LAMA4: variants seen among roughly 807,000 people sequenced by gnomAD.
The protein encoded by LAMA4 is laminin subunit alpha-4.
LAMA4 carries 127 observed loss-of-function variants against 207.1 expected under a neutral mutation model. That is an observed-to-expected ratio of 0.61 (90% CI 0.53 to 0.71). The LOEUF is 0.71. Among genes scored for constraint, LAMA4 ranks in the 30% least tolerant of loss-of-function variants. The probability of loss-of-function intolerance (pLI) is 0.00; values close to 1 mark genes in which losing one functional copy is unlikely to be tolerated. For missense variants in LAMA4, 2,093 were observed against 2,246.5 expected, an observed-to-expected ratio of 0.93 and a Z score of 1.38; for synonymous variants, 761 against 816.0, an observed-to-expected ratio of 0.93 and a Z score of 1.15.
At position 112,142,118 on chromosome 6, in the gene LAMA4, C is replaced by G; in HGVS notation, c.2667+1G>C. On this transcript the variant is annotated splice_donor_variant, in intron 20 of 38. Coordinates refer to ENST00000230538, the MANE Select transcript of LAMA4 (RefSeq NM_001105206.3). LOFTEE classifies it high-confidence loss of function. ...CCCTCCTTTCAAACTCATGTGCTTA[C>G]GTTTTTGCTTCCGAGGTACAGGATA... The G allele has an allele frequency of 6.2e-7, 1 of 1,614,010 alleles. No individual in the cohort carries two copies. Among genetic ancestry groups the G allele is most frequent in the Non-Finnish European group, 8.5e-7 (1 of 1,179,944 alleles).
At chr6:112,139,956 T>C (rs1357799944) in intron 22 of LAMA4, 71 bp from the exon 23 acceptor site, 8 of 1,495,970 alleles carry the variant, frequency 5.3e-6, no homozygotes, top group Non-Finnish European at 6.5e-6. Context: ...GAACAGACAA[T>C]GCAACTAATA....
intron 2 of LAMA4, among the ~76,000 whole-genome samples, chr6:112,241,003 C>T (rs1451222488): frequency 6.7e-6 from 1 of 149,220 alleles, no homozygotes; most frequent in East Asian, 2.0e-4. Context: ...TCAGCTCTTT[C>T]CATATCCTTT....
At chr6:112,134,724 CTTGT>C (rs2114666923) in intron 25 of LAMA4, 115 bp from the exon 26 acceptor site, 5 of 837,180 alleles carry the variant, frequency 6.0e-6, no homozygotes, top group African/African-American at 1.7e-5. Flanking sequence ...TGCCTTTGTG[CTTGT>C]TTGTTCACAA....
At position 112,155,682 on chromosome 6, in the gene LAMA4, G is replaced by C. The variant is rs782388698; in HGVS notation, c.1842C>G (p.Asn614Lys). The C allele has an allele frequency of 1.2e-6, 2 of 1,613,964 alleles. No individual in the cohort carries two copies. Among genetic ancestry groups the C allele is most frequent in the Middle Eastern group, 1.6e-4 (1 of 6,062 alleles). Residue 614 changes from asparagine to lysine, a missense_variant, in exon 15 of 39, where the codon AAC becomes AAG. By Grantham distance (94) the Asn-to-Lys change is moderately conservative. This residue lies in a region of LAMA4 where 1,704 missense variants were observed against 1,788.4 expected (regional missense o/e 0.95). Coordinates refer to ENST00000230538, the MANE Select transcript of LAMA4 (RefSeq NM_001105206.3). ...LSRKLHSSDM[N>K]GLVQKALDAS... ...CATCCAAAGCCTTCTGTACCAGCCCGTTCATATCTGAACTGTGCAACTTCC... is the reference window on the plus strand; with the variant it reads ...CATCCAAAGCCTTCTGTACCAGCCCCTTCATATCTGAACTGTGCAACTTCC...
At chr6:112,113,397 T>G (rs1777819569) in intron 38 of LAMA4, among the ~76,000 whole-genome samples, 2 of 152,244 alleles carry the variant, frequency 1.3e-5, no homozygotes, top group South Asian at 4.1e-4. Context: ...CATTCAGGTT[T>G]TCCAAGTTAG....
rs58426217 is a variant in LAMA4 at position 112,182,097 on chromosome 6, A to AAAATAAATAAATAAAT, written c.1077+3124_1077+3139dup. On this transcript the variant is annotated intron_variant, in intron 9 of 38. Coordinates refer to ENST00000230538, the MANE Select transcript of LAMA4 (RefSeq NM_001105206.3). ...AGATGACAGAGCGAGACTCTGTCTG[A>AAAATAAATAAATAAAT]AAATAAATAAATAAATAAATAAATA... Among the ~76,000 whole-genome samples the AAAATAAATAAATAAAT allele has an allele frequency of 6.6e-4, 98 of 148,654 alleles. 2 individuals are homozygous for AAAATAAATAAATAAAT. The highest frequency in any genetic ancestry group is 1.9e-3 in the African/African-American group (77 of 40,204).
chr6:112,123,704 T>C (rs1583649070), intron 31 of LAMA4, among the ~76,000 whole-genome samples: 1 of 152,118 alleles, frequency 6.6e-6, no homozygotes, highest in African/African-American at 2.4e-5. Flanking sequence ...GCTCGTGCAG[T>C]TGGATTTTGG....
intron 12 of LAMA4, 74 bp from the exon 13 acceptor site, chr6:112,165,350 T>C: frequency 2.1e-6 from 2 of 964,602 alleles, no homozygotes; most frequent in Non-Finnish European, 3.4e-6. Context: ...GCAGTAAATG[T>C]CAACTTGCTC....
chr6:112,227,918 A>G (rs1785313923), intron 2 of LAMA4, among the ~76,000 whole-genome samples: 1 of 152,190 alleles, frequency 6.6e-6, no homozygotes, highest in Non-Finnish European at 1.5e-5. Context: ...TATTTATTCT[A>G]GTTGGGCCTT....
intron 2 of LAMA4, among the ~76,000 whole-genome samples, chr6:112,221,290 A>C (rs553186214): frequency 1.8e-4 from 28 of 152,194 alleles, no homozygotes; most frequent in Non-Finnish European, 3.5e-4. Context: ...ATAGGAGCTG[A>C]TTGGAATAGT....
At position 112,158,879 on chromosome 6, in the gene LAMA4, T is replaced by C. The variant is rs1554337657; in HGVS notation, c.1670A>G (p.Asn557Ser). ...TATTTCTGCATAAATCCCTGACGCA[T>C]TCTAAAGAAAAAAATTTTAATAAAT... is the stretch of plus-strand genomic sequence containing the variant. ...TLSELDDIIK[N>S]ASGIYAEIDG... The change falls in exon 14 of 39, where the codon AAT becomes AGT. Residue 557 changes from asparagine to serine, a missense_variant and splice_region_variant. By Grantham distance (46) the Asn-to-Ser change is conservative. Coordinates refer to ENST00000230538, the MANE Select transcript of LAMA4 (RefSeq NM_001105206.3). 3 of 1,606,288 alleles carry C rather than the reference T, an allele frequency of 1.9e-6. No individual in the cohort carries two copies. Among genetic ancestry groups the C allele is most frequent in the South Asian group, 2.2e-5 (2 of 90,688 alleles).
rs782312658 is a variant in LAMA4, at chr6:112,214,118, A to G, written c.297+2250T>C. On this transcript the variant is annotated intron_variant, in intron 3 of 38. Transcript: ENST00000230538. ...AACAGAAAAAAATGAGTTTGATTCC[A>G]GTGTGACACCACAGACTTAACATAT... The G allele has an allele frequency of 1.3e-5, 9 of 683,688 alleles. No individual in the cohort carries two copies. The Admixed American group carries it at 1.7e-4, about 13-fold the overall frequency. The allele number at this position is 683,688 out of a possible 1,614,324, so 42.4% of individuals were successfully genotyped here.
chr6:112,234,983 C>T (rs1418579206), intron 2 of LAMA4, among the ~76,000 whole-genome samples: 1 of 152,210 alleles, frequency 6.6e-6, no homozygotes, highest in Non-Finnish European at 1.5e-5. Flanking sequence ...CTTACACAGA[C>T]ATCAGCTTCA....
Position 112,139,157 on chromosome 6 carries a change from G to T in LAMA4, c.3245C>A (p.Pro1082Gln). Residue 1082 changes from proline to glutamine, a missense_variant, in exon 24 of 39, where the codon CCA becomes CAA. Transcript: ENST00000230538. The part of the protein sequence containing the change: ...VTRFDIEVRT[P>Q]ADNGLILLMV... ...CAGGAGAATAAGGCCGTTGTCAGCT[G>T]GTGTTCGAACTTCTATGTCAAAGCG... The T allele has an allele frequency of 6.2e-7, 1 of 1,614,122 alleles. No homozygotes were observed. Among genetic ancestry groups the T allele is most frequent in the Non-Finnish European group, 8.5e-7 (1 of 1,179,992 alleles).
chr6:112,114,070 A>T lies in LAMA4; in HGVS notation c.5326+6T>A, dbSNP rs3734289. ...TGGGAACTTTTCCTTTTTAAACAAC[A>T]CTTACCTGGAACACCTCCAACAAAC... On this transcript the variant is annotated splice_donor_region_variant and intron_variant, in intron 38 of 38. Coordinates refer to ENST00000230538, the MANE Select transcript of LAMA4 (RefSeq NM_001105206.3). 1 of 1,613,020 alleles carries T rather than the reference A, an allele frequency of 6.2e-7. No individual in the cohort carries two copies. The highest frequency in any genetic ancestry group is 2.2e-5 in the East Asian group (1 of 44,822).
intron 26 of LAMA4, 62 bp downstream of exon 26, chr6:112,134,405 C>T (rs1025864440): frequency 2.6e-6 from 4 of 1,557,838 alleles, no homozygotes; most frequent in East Asian, 2.2e-5. Flanking sequence ...CTAGACCTCT[C>T]CTGGATGTTG....
Position 112,136,129 on chromosome 6 carries a change from G to A in LAMA4, c.3408C>T (p.Tyr1136=), listed in dbSNP as rs1258374317. 1 of 1,612,040 alleles carries A rather than the reference G, an allele frequency of 6.2e-7. No homozygotes were observed. Among genetic ancestry groups the A allele is most frequent in the Non-Finnish European group, 8.5e-7 (1 of 1,179,356 alleles). Residue 1136 remains tyrosine, a synonymous_variant, in exon 25 of 39, where the codon TAC becomes TAT. Coordinates refer to ENST00000230538, the MANE Select transcript of LAMA4 (RefSeq NM_001105206.3). ...LKKAQINDAK[Y]HEISIIYHND... Reference sequence around the variant, plus strand: ...AAACTACAATGATTTGTACCTCATGGTATTTTGCATCATTAATTTGAGCTT... The same window carrying A: ...AAACTACAATGATTTGTACCTCATGATATTTTGCATCATTAATTTGAGCTT...
intron 2 of LAMA4, among the ~76,000 whole-genome samples, chr6:112,235,074 C>T (rs1785817877): frequency 6.6e-6 from 1 of 152,100 alleles, no homozygotes; most frequent in Non-Finnish European, 1.5e-5. Context: ...CGTGAAAGTG[C>T]CCACCATTTT....
At chr6:112,187,369 A>G (rs1457300186) in intron 8 of LAMA4, 81 bp downstream of exon 8, 4 of 1,521,190 alleles carry the variant, frequency 2.6e-6, no homozygotes, top group Non-Finnish European at 3.6e-6. Context: ...TCAGATACAA[A>G]AAGGGGTAGA....
Sources: gnomAD v4.1 joint callset for allele counts (sites outside exome capture counted in the v4.1 genomes callset) on GRCh38, gnomAD v4.1.1 for gene constraint, gnomAD v4.1.1 regional missense constraint, MANE v1.5 for transcripts, NCBI Gene and HGNC (gene_info 2026-07-23, HGNC 2026-07-21) for gene names.